MCOLN2: variants seen among roughly 807,000 people sequenced by gnomAD.
The protein encoded by MCOLN2 is mucolipin-2.
Under a neutral mutation model 67.5 loss-of-function variants are expected in MCOLN2, and 57 were observed. That is an observed-to-expected ratio of 0.84 (90% CI 0.68 to 1.05). MCOLN2 has a LOEUF of 1.05. Ranked by LOEUF, MCOLN2 falls within the 50% of genes least tolerant of loss-of-function variation. The probability of loss-of-function intolerance (pLI) is 0.00; values close to 1 mark genes in which losing one functional copy is unlikely to be tolerated. For synonymous variants in MCOLN2, 246 were observed against 233.3 expected (o/e 1.05, Z -0.50); for missense variants, 620 against 678.8 (o/e 0.91, Z 0.96).
intron 1 of MCOLN2, among the ~76,000 whole-genome samples, chr1:84,970,966 T>G (rs1649650202): frequency 6.6e-6 from 1 of 152,158 alleles, no homozygotes; most frequent in African/African-American, 2.4e-5. Context: ...CCTAAGAAAC[T>G]TTATTAAGAA....
At chr1:84,989,846 G>C (rs1650796679) in intron 1 of MCOLN2, among the ~76,000 whole-genome samples, 1 of 152,084 alleles carries the variant, frequency 6.6e-6, no homozygotes. Context: ...CAATGAATCT[G>C]AACAAGCCAG....
At chr1:84,992,408 C>T (rs1019535980) in intron 1 of MCOLN2, among the ~76,000 whole-genome samples, 2 of 152,138 alleles carry the variant, frequency 1.3e-5, no homozygotes, top group South Asian at 2.1e-4. Context: ...AAAAAAGGGG[C>T]TGAGGCCCAA....
chr1:84,973,227 A>C (rs1649783782), intron 1 of MCOLN2, among the ~76,000 whole-genome samples: 1 of 152,176 alleles, frequency 6.6e-6, no homozygotes, highest in Non-Finnish European at 1.5e-5. Context: ...CTGTAATCTC[A>C]ACACTTTGGG....
At chr1:84,939,393 C>G (rs1647618024) in intron 9 of MCOLN2, among the ~76,000 whole-genome samples, 160 bp downstream of exon 9, 1 of 152,176 alleles carries the variant, frequency 6.6e-6, no homozygotes, top group Admixed American at 6.5e-5. Flanking sequence ...CTTCCTTTCC[C>G]TTCACGAGGA....
Position 84,939,673 on chromosome 1 carries a change from G to C in MCOLN2, c.990C>G (p.Tyr330Ter). Residue 330 changes from tyrosine (Y) to a stop codon, truncating the protein, a stop_gained, in exon 9 of 14, where the codon TAC (tyrosine) becomes TAG (stop). Coordinates refer to ENST00000370608, the MANE Select transcript of MCOLN2 (RefSeq NM_153259.4). LOFTEE classifies it high-confidence loss of function. ...KRFLNFFLEK[Y>*]KRPVCDTDQW... is the part of the protein sequence containing the mutation. ...GGTCGGTGTCACACACAGGCCGCTT[G>C]TACTTCTCCAGGAAGAAATTTAGAA... 1 of 1,614,042 alleles carries C rather than the reference G, an allele frequency of 6.2e-7. No individual in the cohort carries two copies. The highest frequency in any genetic ancestry group is 1.1e-5 in the South Asian group (1 of 91,072).
intron 11 of MCOLN2, among the ~76,000 whole-genome samples, chr1:84,936,607 G>C (rs887898092): frequency 1.3e-5 from 2 of 152,112 alleles, no homozygotes; most frequent in African/African-American, 4.8e-5. Context: ...CCAACCCAGA[G>C]GTTGTCACTT....
intron 3 of MCOLN2, among the ~76,000 whole-genome samples, chr1:84,956,982 C>T (rs190904256): frequency 1.4e-4 from 22 of 152,252 alleles, no homozygotes; most frequent in African/African-American, 5.1e-4. Context: ...CATACCCGCT[C>T]GGTTTACTCA....
At chr1:84,993,876 C>T (rs574702159) in intron 1 of MCOLN2, among the ~76,000 whole-genome samples, 56 of 151,690 alleles carry the variant, frequency 3.7e-4, no homozygotes, top group Non-Finnish European at 7.8e-4. Context: ...ATGATCCACC[C>T]GCCTCGGCCT....
rs1041649046 is a variant in MCOLN2 at position 84,987,719 on chromosome 1, T to C, written c.77+9077A>G. ...ATGTATATAGATTATATATACACCA[T>C]TGAATGCTACTCAGCTATAAAAAGG... On this transcript the variant is annotated intron_variant, in intron 1 of 13. Coordinates refer to ENST00000370608, the MANE Select transcript of MCOLN2 (RefSeq NM_153259.4). Among the ~76,000 whole-genome samples the C allele has an allele frequency of 6.0e-5, 9 of 149,760 alleles. No individual in the cohort carries two copies. The East Asian group carries it at 9.8e-4, about 16-fold the overall frequency.
intron 7 of MCOLN2, among the ~76,000 whole-genome samples, chr1:84,944,553 GAAAAAA>G (rs1484301517): frequency 6.7e-6 from 1 of 150,250 alleles, no homozygotes; most frequent in African/African-American, 2.5e-5. Flanking sequence ...AAGAAAGAAA[GAAAAAA>G]AACATCTATA....
chr1:84,958,547 GATGCTCTCATAGGC>G lies in MCOLN2; in HGVS notation c.379_392del (p.Ala127LeufsTer5). ...CACTTGCCTGATTAATAGCAAAAAA[GATGCTCTCATAGGC>G]ATCCTCTTGAGTATATACACTGCAG... On this transcript the variant is annotated frameshift_variant, in exon 3 of 14. Coordinates refer to ENST00000370608, the MANE Select transcript of MCOLN2 (RefSeq NM_153259.4). LOFTEE classifies it high-confidence loss of function. 6.2e-7 allele frequency: 1 copy of G among 1,602,234 alleles called. No homozygotes were observed. The highest frequency in any genetic ancestry group is 8.5e-7 in the Non-Finnish European group (1 of 1,177,588).
At chr1:84,930,198 G>A (rs916584472) in intron 12 of MCOLN2, among the ~76,000 whole-genome samples, 36 of 151,978 alleles carry the variant, frequency 2.4e-4, no homozygotes, top group Admixed American at 3.9e-4. Context: ...TGGAGTTGGA[G>A]GCTATAATGA....
At chr1:84,981,170 A>T (rs1650234106) in intron 1 of MCOLN2, among the ~76,000 whole-genome samples, 1 of 152,208 alleles carries the variant, frequency 6.6e-6, no homozygotes, top group South Asian at 2.1e-4. Flanking sequence ...ACTGGTGAGG[A>T]TGTTGAGAAA....
At chr1:84,926,859 A>G (rs961885211) in intron 13 of MCOLN2, 138 bp from the exon 14 acceptor site, 36 of 487,338 alleles carry the variant, frequency 7.4e-5, no homozygotes, top group Non-Finnish European at 1.1e-4. Flanking sequence ...AGAAAAATTA[A>G]GACAGGCAAG....
At chr1:84,956,775 G>T (rs772396505) in intron 3 of MCOLN2, among the ~76,000 whole-genome samples, 191 bp from the exon 4 acceptor site, 2 of 152,124 alleles carry the variant, frequency 1.3e-5, no homozygotes, top group Non-Finnish European at 2.9e-5. Context: ...CACAGAACTC[G>T]AAACAAAACA....
At chr1:84,941,873 G>C (rs1302239514) in intron 7 of MCOLN2, among the ~76,000 whole-genome samples, 1 of 152,188 alleles carries the variant, frequency 6.6e-6, no homozygotes, top group Non-Finnish European at 1.5e-5. Flanking sequence ...TTTTTGGTTT[G>C]GAGCACACAG....
In MCOLN2 at chr1:84,929,650, C is replaced by T. The variant is rs776908994; in HGVS notation, c.1572G>A (p.Thr524=). Residue 524 remains threonine (T), a synonymous_variant, in exon 13 of 14, where the codon ACG becomes ACA. Transcript: ENST00000370608. ...KKFQQNGFPE[T]DLQEFLKECS... ...ATTCCTTCAGGAATTCCTGCAAATC[C>T]GTTTCAGGAAACCCATTCTGTTGGA... The T allele has an allele frequency of 1.5e-5, 25 of 1,613,380 alleles. No homozygotes were observed. The East Asian group carries it at 3.8e-4, about 24-fold the overall frequency.
intron 1 of MCOLN2, among the ~76,000 whole-genome samples, chr1:84,984,927 T>A (rs1571040294): frequency 6.6e-6 from 1 of 151,820 alleles, no homozygotes; most frequent in Non-Finnish European, 1.5e-5. Flanking sequence ...TCCAGGGAGG[T>A]CGAGGCTGCA....
chr1:84,983,328 G>A (rs1475082613), intron 1 of MCOLN2, among the ~76,000 whole-genome samples: 1 of 152,182 alleles, frequency 6.6e-6, no homozygotes, highest in Admixed American at 6.5e-5. Context: ...GGATTGCAGT[G>A]ATGCAATCAT....
Sources: allele counts gnomAD v4.1 joint callset (sites outside exome capture counted in the v4.1 genomes callset), GRCh38; gene constraint gnomAD v4.1.1; transcripts MANE v1.5; gene names NCBI Gene and HGNC (gene_info 2026-07-23, HGNC 2026-07-21).